The following RNF111 variants were observed in gnomAD, a reference collection of about 807,000 sequenced individuals.
RNF111 encodes E3 ubiquitin-protein ligase Arkadia.
RNF111 carries 17 observed loss-of-function variants against 95.1 expected under a neutral mutation model. The ratio of observed to expected loss-of-function variants is 0.18; its 90% CI spans 0.12 to 0.27. The LOEUF (loss-of-function observed/expected upper bound fraction) is 0.27. Ranked by LOEUF, RNF111 falls within the 10% of genes least tolerant of loss-of-function variation. The pLI, the probability that RNF111 is intolerant of heterozygous loss-of-function variation, is 1.00. For missense variants in RNF111, 1,189 were observed against 1,210.4 expected (o/e 0.98, Z 0.26); for synonymous variants, 440 against 414.8 (o/e 1.06, Z -0.74).
rs374954455 is a variant in RNF111 at position 59,085,758 on chromosome 15, C to G, written c.2523C>G (p.His841Gln). The stretch of plus-strand genomic sequence containing the variant: ...ATCACGCACCTCCTCGACTTCATCA[C>G]TTACAATTAGGAGCTCTTCCTTTAA... ...AHYHAPPRLHHLQLGALPLMV... is the reference protein window; with the variant it reads ...AHYHAPPRLHQLQLGALPLMV... Residue 841 changes from histidine to glutamine, a missense_variant, in exon 10 of 14, where the codon CAC (histidine) becomes CAG (glutamine). Coordinates refer to ENST00000348370, the MANE Select transcript of RNF111 (RefSeq NM_017610.8). The G allele has an allele frequency of 8.1e-6, 13 of 1,613,268 alleles. No homozygotes were observed. In the African/African-American group the frequency reaches 1.5e-4, roughly 18 times the overall value.
chr15:59,088,224 G>T (rs1205170524), intron 10 of RNF111, among the ~76,000 whole-genome samples: 3 of 152,320 alleles, frequency 2.0e-5, no homozygotes, highest in African/African-American at 4.8e-5. Context: ...CAGGTGAAGG[G>T]AGGAGTGGGT....
intron 6 of RNF111, among the ~76,000 whole-genome samples, chr15:59,068,229 C>G (rs1596261710): frequency 6.6e-6 from 1 of 150,920 alleles, no homozygotes; most frequent in African/African-American, 2.4e-5. Flanking sequence ...CAAAAAACAA[C>G]AACAACAACA....
At chr15:59,068,911 C>T (rs2042785802) in intron 6 of RNF111, among the ~76,000 whole-genome samples, 1 of 151,854 alleles carries the variant, frequency 6.6e-6, no homozygotes, top group Admixed American at 6.6e-5. Context: ...CCCATCTCTA[C>T]TAAAAATACA....
chr15:59,077,068 T>C (rs1251272837), intron 7 of RNF111, among the ~76,000 whole-genome samples: 1 of 152,208 alleles, frequency 6.6e-6, no homozygotes, highest in Non-Finnish European at 1.5e-5. Context: ...ATTTACCTTC[T>C]CAGTAATGCA....
chr15:59,029,309 T>C (rs1289375486), intron 1 of RNF111, among the ~76,000 whole-genome samples: 1 of 152,186 alleles, frequency 6.6e-6, no homozygotes, highest in Non-Finnish European at 1.5e-5. Context: ...TGCCTTTAAT[T>C]AAAGTGATCC....
intron 2 of RNF111, among the ~76,000 whole-genome samples, chr15:59,036,815 T>C (rs1445796007): frequency 1.3e-5 from 2 of 152,070 alleles, no homozygotes; most frequent in Admixed American, 1.3e-4. Context: ...ATCAGTTCAT[T>C]TGTGGTTCTT....
intron 2 of RNF111, among the ~76,000 whole-genome samples, chr15:59,041,961 A>ATTT (rs79347638): frequency 0.012 from 1,207 of 100,064 alleles, 42 homozygotes; most frequent in African/African-American, 0.042. Context: ...GTCTGTTCAT[A>ATTT]TTTTTTTTTT....
At chr15:59,000,811 G>A (rs1382869715) in intron 1 of RNF111, among the ~76,000 whole-genome samples, 3 of 151,982 alleles carry the variant, frequency 2.0e-5, no homozygotes, top group African/African-American at 7.3e-5. Context: ...AGTTATGTCA[G>A]AATTTTTGAT....
intron 1 of RNF111, among the ~76,000 whole-genome samples, chr15:59,013,988 A>G (rs900892075): frequency 2.6e-5 from 4 of 152,188 alleles, no homozygotes; most frequent in East Asian, 3.9e-4. Flanking sequence ...CAAAGGTTTC[A>G]CTATATTGCC....
At chr15:59,007,141 A>G (rs771013506) in intron 1 of RNF111, among the ~76,000 whole-genome samples, 1 of 152,186 alleles carries the variant, frequency 6.6e-6, no homozygotes, top group African/African-American at 2.4e-5. Context: ...AGTTTTGCCA[A>G]ATGCATCTAT....
At chr15:59,057,973 G>A (rs1428177930) in intron 4 of RNF111, among the ~76,000 whole-genome samples, 1 of 152,214 alleles carries the variant, frequency 6.6e-6, no homozygotes, top group Non-Finnish European at 1.5e-5. Flanking sequence ...GTGTCAGACA[G>A]TGTGGTTTGT....
rs1317575247 is a variant in RNF111, at chr15:59,079,132, A to C, written c.1949-1804A>C. 6.6e-5 allele frequency among the ~76,000 whole-genome samples: 10 copies of C among 152,350 alleles called. No homozygotes were observed. The South Asian group carries it at 1.0e-3, about 16-fold the overall frequency. On this transcript the variant is annotated intron_variant, in intron 7 of 13. Coordinates refer to ENST00000348370, the MANE Select transcript of RNF111 (RefSeq NM_017610.8). ...AATGGTCAGCAACCTGTTTTGTTTA[A>C]ACAGTGAATTAAAGTGATGTCTAAA...
intron 1 of RNF111, among the ~76,000 whole-genome samples, chr15:59,020,136 A>G (rs1453248504): frequency 1.4e-5 from 2 of 147,240 alleles, no homozygotes; most frequent in African/African-American, 5.0e-5. Flanking sequence ...TACATATTTT[A>G]TATATGTTAG....
intron 8 of RNF111, among the ~76,000 whole-genome samples, chr15:59,082,754 A>G (rs2078783971): frequency 1.3e-5 from 2 of 152,160 alleles, no homozygotes; most frequent in African/African-American, 4.8e-5. Flanking sequence ...CTGTTTGCCA[A>G]ACTCTTGATC....
chr15:59,067,523 C>G (rs1395070289), intron 6 of RNF111, among the ~76,000 whole-genome samples: 6 of 152,120 alleles, frequency 3.9e-5, no homozygotes, highest in Non-Finnish European at 7.4e-5. Flanking sequence ...CACATTCTTA[C>G]ACTCGAAAAT....
chr15:59,034,502 A>G (rs2041074111), intron 2 of RNF111, among the ~76,000 whole-genome samples: 1 of 152,184 alleles, frequency 6.6e-6, no homozygotes, highest in Admixed American at 6.5e-5. Flanking sequence ...GAATCCTTCC[A>G]GTACTCTTAT....
intron 1 of RNF111, among the ~76,000 whole-genome samples, chr15:59,002,826 T>C (rs1479996607): frequency 6.6e-6 from 1 of 152,234 alleles, no homozygotes; most frequent in Non-Finnish European, 1.5e-5. Flanking sequence ...GGCATATTCC[T>C]GTCACATAGT....
rs537211758 is a variant in RNF111 at position 59,067,983 on chromosome 15, A to C, written c.1686+900A>C. On this transcript the variant is annotated intron_variant, in intron 6 of 13. Transcript: ENST00000348370. ...GTTGGTATTATTATTGAGTTCGCAA[A>C]ATGTCAACTAGTATTAAATTAGTAT... Among the ~76,000 whole-genome samples the C allele has an allele frequency of 5.3e-5, 8 of 152,358 alleles. No homozygotes were observed. In the East Asian group the frequency reaches 1.5e-3, roughly 29 times the overall value.
chr15:59,061,258 A>G lies in RNF111; in HGVS notation c.1366+2708A>G, dbSNP rs138348721. On this transcript the variant is annotated intron_variant, in intron 5 of 13. Coordinates refer to ENST00000348370, the MANE Select transcript of RNF111 (RefSeq NM_017610.8). ...CCTAAATGGGCCTCTCTTAAGGTCA[A>G]TTTCCTTCCAGGACCCTATGGAACA... Among the ~76,000 whole-genome samples the G allele has an allele frequency of 1.3e-3, 197 of 152,318 alleles. 3 individuals carry two copies. The East Asian group carries it at 0.023, about 18-fold the overall frequency.
Sources: allele counts gnomAD v4.1 joint callset (sites outside exome capture counted in the v4.1 genomes callset), GRCh38; gene constraint gnomAD v4.1.1; transcripts MANE v1.5; gene names NCBI Gene and HGNC (gene_info 2026-07-23, HGNC 2026-07-21).